GNAO1: variants seen among roughly 807,000 people sequenced by gnomAD.
The protein encoded by GNAO1 is guanine nucleotide-binding protein G(o) subunit alpha.
For synonymous variants in GNAO1, 164 were observed against 180.7 expected, an observed-to-expected ratio of 0.91 and a Z score of 0.74; for missense variants, 166 against 478.7, an observed-to-expected ratio of 0.35 and a Z score of 6.10.
chr16:56,208,243 A>G (rs2036348686), intron 2 of GNAO1, among the ~76,000 whole-genome samples: 1 of 152,236 alleles, frequency 6.6e-6, no homozygotes, highest in Admixed American at 6.5e-5. Context: ...TGTAGCATTC[A>G]TAAATATTAG....
rs2037164673 is a variant in GNAO1 at position 56,286,180 on chromosome 16, T to G, written c.303+10108T>G. Among the ~76,000 whole-genome samples, 3 of 152,124 alleles carry G rather than the reference T, an allele frequency of 2.0e-5. No individual in the cohort carries two copies. The South Asian group carries it at 6.2e-4, about 32-fold the overall frequency. The stretch of plus-strand genomic sequence containing the variant: ...TTCCCTAGGAAAACCAGAGCCACTT[T>G]CCATCCTCCCGCTACACACATCTGC... On this transcript the variant is annotated intron_variant, in intron 3 of 8. Coordinates refer to ENST00000262493, the MANE Select transcript of GNAO1 (RefSeq NM_020988.3).
chr16:56,348,604 A>C (rs2037894789), intron 6 of GNAO1, among the ~76,000 whole-genome samples: 1 of 152,130 alleles, frequency 6.6e-6, no homozygotes, highest in South Asian at 2.1e-4. Context: ...CTTTTCTCAA[A>C]TGGTGGTATC....
rs117161621 is a variant in GNAO1, at chr16:56,194,307, G to C, written c.161+1691G>C. The C allele has an allele frequency of 1.1e-3, 481 of 456,490 alleles. 8 individuals carry two copies. In the East Asian group the frequency reaches 0.025, roughly 24 times the overall value. The allele number at this position is 456,490 out of a possible 1,614,324, so 28.3% of individuals were successfully genotyped here. A position where few individuals can be genotyped will look rare whatever the true frequency, so the allele number is the denominator to read the frequency against. ...CTGGGGAATTGCCCTTTGCAACAAGGTGCATGTTGCATCTGTCTGGAGCCC... is the reference window on the plus strand; with the variant it reads ...CTGGGGAATTGCCCTTTGCAACAAGCTGCATGTTGCATCTGTCTGGAGCCC... On this transcript the variant is annotated intron_variant, in intron 2 of 8. Transcript: ENST00000262493.
At chr16:56,310,166 A>G (rs1253316985) in intron 3 of GNAO1, among the ~76,000 whole-genome samples, 1 of 151,984 alleles carries the variant, frequency 6.6e-6, no homozygotes, top group East Asian at 1.9e-4. Context: ...AGAAAGAAAA[A>G]AAAAAGAAAA....
At chr16:56,322,217 G>A in intron 3 of GNAO1, among the ~76,000 whole-genome samples, 1 of 152,180 alleles carries the variant, frequency 6.6e-6, no homozygotes, top group East Asian at 1.9e-4. Flanking sequence ...AGGAATCTTA[G>A]GGGGACATAA....
intron 8 of GNAO1, 73 bp downstream of exon 8, chr16:56,355,154 A>ACACACACACC: frequency 9.8e-6 from 5 of 508,602 alleles, no homozygotes; most frequent in East Asian, 3.2e-5. Flanking sequence ...ACACACACAC[A>ACACACACACC]CCACTAACAA....
At chr16:56,306,642 A>T (rs1041108662) in intron 3 of GNAO1, among the ~76,000 whole-genome samples, 2 of 152,206 alleles carry the variant, frequency 1.3e-5, no homozygotes, top group Admixed American at 1.3e-4. Flanking sequence ...AAGGCGGGAA[A>T]TGTCCTAGAG....
intron 2 of GNAO1, among the ~76,000 whole-genome samples, chr16:56,215,043 A>G (rs561604247): frequency 6.6e-6 from 1 of 152,216 alleles, no homozygotes; most frequent in East Asian, 1.9e-4. Context: ...GGCTCCCCCT[A>G]CTACAGAACG....
chr16:56,320,340 C>T (rs993823628), intron 3 of GNAO1, among the ~76,000 whole-genome samples: 6 of 152,216 alleles, frequency 3.9e-5, no homozygotes, highest in African/African-American at 1.4e-4. Flanking sequence ...CAGCGCAGCC[C>T]ACCCCTCAGG....
At chr16:56,305,984 G>A (rs2037392228) in intron 3 of GNAO1, among the ~76,000 whole-genome samples, 1 of 152,186 alleles carries the variant, frequency 6.6e-6, no homozygotes. Context: ...GGTCCTGGGG[G>A]TTAGAACTTC....
intron 2 of GNAO1, among the ~76,000 whole-genome samples, chr16:56,240,002 C>G (rs2143423616): frequency 6.6e-6 from 1 of 152,320 alleles, no homozygotes; most frequent in East Asian, 1.9e-4. Flanking sequence ...GTCAGAAGAA[C>G]AACTTGCAGT....
intron 2 of GNAO1, among the ~76,000 whole-genome samples, chr16:56,198,020 A>G (rs1479243863): frequency 6.6e-6 from 1 of 152,218 alleles, no homozygotes. Flanking sequence ...ACAACAGAAA[A>G]GCTGGTGAAG....
At chr16:56,242,917 G>A (rs1364081202) in intron 2 of GNAO1, among the ~76,000 whole-genome samples, 3 of 152,150 alleles carry the variant, frequency 2.0e-5, no homozygotes, top group African/African-American at 7.2e-5. Context: ...AGTGAGCAAA[G>A]CTTCATCTGT....
At chr16:56,253,670 C>G (rs1212684501) in intron 2 of GNAO1, among the ~76,000 whole-genome samples, 1 of 152,208 alleles carries the variant, frequency 6.6e-6, no homozygotes, top group Non-Finnish European at 1.5e-5. Context: ...TACTGGGTCC[C>G]TCTCAAGTTC....
chr16:56,341,191 C>T (rs971823838), intron 6 of GNAO1, among the ~76,000 whole-genome samples: 24 of 152,338 alleles, frequency 1.6e-4, no homozygotes, highest in Middle Eastern at 6.8e-3. Flanking sequence ...GCCGGTAGAG[C>T]CCTGGCTCTG....
intron 2 of GNAO1, among the ~76,000 whole-genome samples, chr16:56,249,374 C>T (rs60463620): frequency 0.012 from 1,813 of 152,286 alleles, 41 homozygotes; most frequent in African/African-American, 0.042. Context: ...CATGGCCTCA[C>T]CATCTCAACA....
intron 6 of GNAO1, chr16:56,347,365 C>T (rs7206796): frequency 0.2 from 197,480 of 985,116 alleles, 20,150 homozygotes; most frequent in Middle Eastern, 0.27. Flanking sequence ...AAGCCTAGAG[C>T]GCAGGATCCC....
chr16:56,332,242 C>T (rs1289045280), intron 4 of GNAO1, among the ~76,000 whole-genome samples: 3 of 152,212 alleles, frequency 2.0e-5, no homozygotes, highest in Admixed American at 2.0e-4. Context: ...CCTCAAGGGC[C>T]TGCTTGCCCC....
chr16:56,319,953 C>T (rs1234844313), intron 3 of GNAO1, among the ~76,000 whole-genome samples: 1 of 152,168 alleles, frequency 6.6e-6, no homozygotes, highest in Non-Finnish European at 1.5e-5. Flanking sequence ...TGCCTCATCT[C>T]CACTGTGGCA....
Sources: gnomAD v4.1 joint callset for allele counts (sites outside exome capture counted in the v4.1 genomes callset) on GRCh38, gnomAD v4.1.1 for gene constraint, MANE v1.5 for transcripts, NCBI Gene and HGNC (gene_info 2026-07-23, HGNC 2026-07-21) for gene names.